The following HAS2 variants were observed in gnomAD, a reference collection of about 807,000 sequenced individuals.
The protein encoded by HAS2 is hyaluronan synthase 2, also known as HA synthase 2.
HAS2 carries 16 observed loss-of-function variants against 51.6 expected under a neutral mutation model. The ratio of observed to expected loss-of-function variants is 0.31; its 90% CI spans 0.21 to 0.47. The LOEUF is 0.47. HAS2 is among the 20% of genes least tolerant of loss of function. The pLI, the probability that HAS2 is intolerant of heterozygous loss-of-function variation, is 1.00. For missense variants in HAS2, 361 were observed against 662.6 expected, an observed-to-expected ratio of 0.54 and a Z score of 5.00; for synonymous variants, 228 against 235.5, an observed-to-expected ratio of 0.97 and a Z score of 0.29.
chr8:121,615,078 T>C lies in HAS2; in HGVS notation c.730-40A>G, dbSNP rs192912447. The C allele has an allele frequency of 3.3e-3, 4,734 of 1,453,116 alleles. 18 individuals carry two copies. The highest frequency in any genetic ancestry group is 4.1e-3 in the Non-Finnish European group (4,347 of 1,066,722). The allele number at this position is 1,453,116 out of a possible 1,614,324, so 90.0% of individuals were successfully genotyped here. On this transcript the variant is annotated intron_variant, in intron 3 of 3. Coordinates refer to ENST00000303924, the MANE Select transcript of HAS2 (RefSeq NM_005328.3). ...ACATAAGTAATAGGTAAGCTTTAGC[T>C]AAAAATTCCAGCAAAACCTGTTCCA...
At chr8:121,620,252 T>C (rs776116128) in intron 2 of HAS2, among the ~76,000 whole-genome samples, 1 of 152,180 alleles carries the variant, frequency 6.6e-6, no homozygotes, top group Non-Finnish European at 1.5e-5. Context: ...ACAAGGGAAT[T>C]TACTCAGTAG....
chr8:121,639,491 C>G (rs1455895579), intron 1 of HAS2: 1 of 152,698 alleles, frequency 6.5e-6, no homozygotes, highest in East Asian at 1.9e-4. Context: ...TCCTTGAGTC[C>G]AAGTATTCAG....
intron 1 of HAS2, among the ~76,000 whole-genome samples, chr8:121,632,954 T>A (rs1259247642): frequency 6.6e-6 from 1 of 152,168 alleles, no homozygotes; most frequent in Non-Finnish European, 1.5e-5. Flanking sequence ...TAACTTGTTA[T>A]AGTCAAAAAA....
chr8:121,636,313 C>T (rs7009945), intron 1 of HAS2, among the ~76,000 whole-genome samples: 29,597 of 152,094 alleles, frequency 0.19, 2,958 homozygotes, highest in Middle Eastern at 0.31. Context: ...AATGAAGTCT[C>T]CCCGCAGCAG....
At position 121,614,070 on chromosome 8, in the gene HAS2, A is replaced by C; in HGVS notation, c.*39T>G. 1.2e-6 allele frequency: 2 copies of C among 1,613,530 alleles called. No individual in the cohort carries two copies. Among genetic ancestry groups the C allele is most frequent in the African/African-American group, 2.7e-5 (2 of 75,048 alleles). Reference sequence around the variant, plus strand: ...TACTGTACAGCCCCTAGAGGAACTAAGGTGTTGTGTGTGACTGCAAACGTC... The same window carrying C: ...TACTGTACAGCCCCTAGAGGAACTACGGTGTTGTGTGTGACTGCAAACGTC... On this transcript the variant is annotated 3_prime_UTR_variant, in exon 4 of 4. Transcript: ENST00000303924. This position sits in a 1 kb window ranked among gnomAD's most constrained non-coding sequence, Gnocchi z 7.2.
At chr8:121,636,683 T>C (rs1312767870) in intron 1 of HAS2, among the ~76,000 whole-genome samples, 1 of 152,176 alleles carries the variant, frequency 6.6e-6, no homozygotes, top group Non-Finnish European at 1.5e-5. Context: ...GTTCACAGTG[T>C]AGGGGAAAAA....
chr8:121,621,248 C>T (rs892381890), intron 2 of HAS2, among the ~76,000 whole-genome samples: 3 of 152,156 alleles, frequency 2.0e-5, no homozygotes. Flanking sequence ...AAGCTGTCTC[C>T]ATCTCCCTGT....
intron 1 of HAS2, among the ~76,000 whole-genome samples, chr8:121,637,659 G>A (rs778230479): frequency 1.1e-4 from 16 of 152,090 alleles, no homozygotes; most frequent in Non-Finnish European, 1.9e-4. Flanking sequence ...CCAAAGTGCT[G>A]GAATTATAGG....
chr8:121,615,238 T>A (rs1812684016), intron 3 of HAS2, among the ~76,000 whole-genome samples, 200 bp from the exon 4 acceptor site: 1 of 152,220 alleles, frequency 6.6e-6, no homozygotes, highest in Non-Finnish European at 1.5e-5. Flanking sequence ...TGTATGCATG[T>A]GTTGCGATTC....
At chr8:121,622,021 C>A (rs2130438047) in intron 2 of HAS2, among the ~76,000 whole-genome samples, 1 of 152,044 alleles carries the variant, frequency 6.6e-6, no homozygotes, top group South Asian at 2.1e-4. Context: ...AGGCTTAACC[C>A]TTCATCTTAA....
intron 2 of HAS2, among the ~76,000 whole-genome samples, chr8:121,628,206 A>T (rs922292376): frequency 4.0e-5 from 6 of 149,070 alleles, no homozygotes; most frequent in African/African-American, 1.5e-4. Context: ...CTCAATTTTA[A>T]TTTTTTTTTT....
intron 2 of HAS2, among the ~76,000 whole-genome samples, chr8:121,628,285 T>A (rs532177133): frequency 6.6e-6 from 1 of 152,112 alleles, no homozygotes; most frequent in African/African-American, 2.4e-5. Flanking sequence ...TGAAAAACAT[T>A]TTATAGCCTC....
chr8:121,615,765 G>C (rs989371768), intron 3 of HAS2, among the ~76,000 whole-genome samples: 4 of 151,944 alleles, frequency 2.6e-5, no homozygotes, highest in Non-Finnish European at 5.9e-5. Context: ...TCCTATCCTT[G>C]GCTATTACTT....
At chr8:121,615,063 T>C in intron 3 of HAS2, 25 bp from the exon 4 acceptor site, 1 of 1,541,606 alleles carries the variant, frequency 6.5e-7, no homozygotes, top group Non-Finnish European at 8.8e-7. Flanking sequence ...ACATAAGTAA[T>C]AGGTAAGCTT....
intron 1 of HAS2, among the ~76,000 whole-genome samples, chr8:121,630,480 C>A (rs1056474118): frequency 1.3e-5 from 2 of 152,136 alleles, no homozygotes; most frequent in African/African-American, 4.8e-5. Flanking sequence ...TGGTTGGCAA[C>A]CCTTTTTATT....
At chr8:121,619,571 G>A (rs73708101) in intron 2 of HAS2, among the ~76,000 whole-genome samples, 1,603 of 151,976 alleles carry the variant, frequency 0.011, 27 homozygotes, top group African/African-American at 0.036. Flanking sequence ...CTAGGCATTC[G>A]CTTTTCATTG....
Position 121,641,104 on chromosome 8 carries a change from C to CT in HAS2, c.-253dup, listed in dbSNP as rs1210536982. The stretch of plus-strand genomic sequence containing the variant: ...GTTTCCGTTGCACTTCAGTCTAATT[C>CT]TTAAAAAAATTATGCTTTAAAAATA... On this transcript the variant is annotated 5_prime_UTR_variant, in exon 1 of 4. Transcript: ENST00000303924. The CT allele has an allele frequency of 6.9e-6, 1 of 145,844 alleles. No individual in the cohort carries two copies. The highest frequency in any genetic ancestry group is 2.5e-5 in the African/African-American group (1 of 39,718). The allele number at this position is 145,844 out of a possible 1,614,324, so 9.0% of individuals were successfully genotyped here.
chr8:121,637,634 G>C (rs1813029100), intron 1 of HAS2, among the ~76,000 whole-genome samples: 1 of 152,082 alleles, frequency 6.6e-6, no homozygotes, highest in Admixed American at 6.6e-5. Context: ...CAGGTGATCT[G>C]CCCTCCTCAG....
Position 121,629,013 on chromosome 8 carries a change from T to A in HAS2, c.328A>T (p.Thr110Ser), listed in dbSNP as rs1812892916. 6.2e-7 allele frequency: 1 copy of A among 1,613,982 alleles called. No individual in the cohort carries two copies. Among genetic ancestry groups the A allele is most frequent in the African/African-American group, 1.3e-5 (1 of 74,926 alleles). Residue 110 changes from threonine (T) to serine (S), a missense_variant, in exon 2 of 4, where the codon ACC becomes TCC. By Grantham distance (58) the Thr-to-Ser change is moderately conservative (BLOSUM62 1). Coordinates refer to ENST00000303924, the MANE Select transcript of HAS2 (RefSeq NM_005328.3). ...RKCLQSVKRL[T>S]YPGIKVVMVI... ...ATGACAACTTTAATCCCAGGGTAGG[T>A]TAGCCTTTTCACAGATTGCAAACAT...
Sources: allele counts gnomAD v4.1 joint callset (sites outside exome capture counted in the v4.1 genomes callset), GRCh38; gene constraint gnomAD v4.1.1; non-coding constraint Gnocchi (gnomAD v3.1); transcripts MANE v1.5; gene names NCBI Gene and HGNC (gene_info 2026-07-23, HGNC 2026-07-21).